DISP3: variants seen among roughly 807,000 people sequenced by gnomAD.
DISP3 encodes dispatched RND transporter family member 3.
In DISP3, 101 loss-of-function variants were observed where a neutral mutation model predicts 135.3. That is an observed-to-expected ratio of 0.75 (90% CI 0.64 to 0.88). DISP3 has a LOEUF of 0.88. Ranked by LOEUF, DISP3 falls within the 40% of genes least tolerant of loss-of-function variation. The probability of loss-of-function intolerance (pLI) is 0.00; values close to 1 mark genes in which losing one functional copy is unlikely to be tolerated. For synonymous variants in DISP3, 856 were observed against 817.0 expected, an observed-to-expected ratio of 1.05 and a Z score of -0.81; for missense variants, 1,713 against 1,878.6, an observed-to-expected ratio of 0.91 and a Z score of 1.63.
chr1:11,522,075 C>A (rs543068136), intron 10 of DISP3, among the ~76,000 whole-genome samples: 97 of 152,128 alleles, frequency 6.4e-4, no homozygotes, highest in African/African-American at 2.3e-3. Flanking sequence ...GAGTGGGAGT[C>A]GGGAATGAGC....
chr1:11,523,877 G>A lies in DISP3; in HGVS notation c.2363-65G>A. ...TCTCAGATCCCAGCCTCTTCCCTCT[G>A]CCCATCGGGCCCAGGCCAGGATGTC... On this transcript the variant is annotated intron_variant, in intron 10 of 20. Transcript: ENST00000294484. 2.2e-6 allele frequency: 3 copies of A among 1,342,804 alleles called. No individual in the cohort carries two copies. The South Asian group carries it at 3.8e-5, about 17-fold the overall frequency. The allele number at this position is 1,342,804 out of a possible 1,614,324, so 83.2% of individuals were successfully genotyped here. A position where few individuals can be genotyped will look rare whatever the true frequency, so the allele number is the denominator to read the frequency against.
chr1:11,522,761 A>G (rs373385263), intron 10 of DISP3, among the ~76,000 whole-genome samples: 1,554 of 15,328 alleles, frequency 0.1, 15 homozygotes, highest in East Asian at 0.24. Flanking sequence ...CCCAGCCAGG[A>G]CCCAGCCAGG....
At chr1:11,535,238 C>A in intron 19 of DISP3, 114 bp downstream of exon 19, 2 of 1,110,906 alleles carry the variant, frequency 1.8e-6, no homozygotes, top group East Asian at 2.6e-5. Flanking sequence ...CACATCTCAG[C>A]GGAGGCTCAT....
intron 7 of DISP3, among the ~76,000 whole-genome samples, chr1:11,518,565 C>T (rs909268329): frequency 3.9e-5 from 6 of 152,128 alleles, no homozygotes; most frequent in Non-Finnish European, 7.4e-5. Flanking sequence ...AAATAAGCCC[C>T]ACGTCTGCCC....
At position 11,523,937 on chromosome 1, in the gene DISP3, G is replaced by T. The variant is rs201911548; in HGVS notation, c.2363-5G>T. On this transcript the variant is annotated splice_region_variant and splice_polypyrimidine_tract_variant and intron_variant, in intron 10 of 20. Coordinates refer to ENST00000294484, the MANE Select transcript of DISP3 (RefSeq NM_020780.2). ...TGCTGTCCTTGACATGGCGCTGGGG[G>T]GCAGGTCTGTTCCAGGAGAAGCCCC... The T allele has an allele frequency of 2.6e-4, 421 of 1,609,830 alleles. No homozygotes were observed. The highest frequency in any genetic ancestry group is 5.0e-4 in the Admixed American group (30 of 59,972).
chr1:11,535,931 C>G (rs1460010073), intron 20 of DISP3, among the ~76,000 whole-genome samples: 1 of 152,206 alleles, frequency 6.6e-6, no homozygotes, highest in East Asian at 1.9e-4. Flanking sequence ...AGGTCCATGA[C>G]TCATTCTCCT....
intron 1 of DISP3, among the ~76,000 whole-genome samples, chr1:11,494,905 C>A (rs11121758): frequency 0.49 from 73,777 of 151,872 alleles, 19,841 homozygotes; most frequent in East Asian, 0.73. Flanking sequence ...AAGTTATAAA[C>A]AGGACCACAG....
chr1:11,520,389 G>C lies in DISP3; in HGVS notation c.2201-298G>C, dbSNP rs778975785. On this transcript the variant is annotated intron_variant, in intron 9 of 20. Coordinates refer to ENST00000294484, the MANE Select transcript of DISP3 (RefSeq NM_020780.2). This position sits in a 1 kb window ranked among gnomAD's most constrained non-coding sequence, Gnocchi z 4.8. ...TCAGAGTTGTGTGAGATCAAGTAGT[G>C]CACCAGCTCGTCATAAACTATGAGG... Among the ~76,000 whole-genome samples the C allele has an allele frequency of 3.9e-5, 6 of 152,142 alleles. No homozygotes were observed. Among genetic ancestry groups the C allele is most frequent in the Non-Finnish European group, 5.9e-5 (4 of 68,020 alleles).
At position 11,519,959 on chromosome 1, in the gene DISP3, C is replaced by T. The variant is rs1204258106; in HGVS notation, c.2200+79C>T. On this transcript the variant is annotated intron_variant, in intron 9 of 20. Transcript: ENST00000294484. This position sits in a 1 kb window ranked among gnomAD's most constrained non-coding sequence, Gnocchi z 4.3. The stretch of plus-strand genomic sequence containing the variant: ...CACAGGAACTGGGAGCCCACCCCCT[C>T]TCGCAGATGCCCCAGGGTCAGAGGC... The T allele has an allele frequency of 7.1e-7, 1 of 1,413,246 alleles. No homozygotes were observed. The highest frequency in any genetic ancestry group is 9.6e-7 in the Non-Finnish European group (1 of 1,038,302). The allele number at this position is 1,413,246 out of a possible 1,614,324, so 87.5% of individuals were successfully genotyped here. A position where few individuals can be genotyped will look rare whatever the true frequency, so the allele number is the denominator to read the frequency against.
chr1:11,536,886 C>A lies in DISP3; in HGVS notation c.*200C>A. The A allele has an allele frequency of 2.7e-6, 2 of 741,722 alleles. No homozygotes were observed. Among genetic ancestry groups the A allele is most frequent in the Non-Finnish European group, 4.2e-6 (2 of 479,808 alleles). 45.9% of individuals were successfully genotyped at this position (741,722 alleles called of 1,614,324 possible). A position where few individuals can be genotyped will look rare whatever the true frequency, so the allele number is the denominator to read the frequency against. On this transcript the variant is annotated 3_prime_UTR_variant, in exon 21 of 21. Coordinates refer to ENST00000294484, the MANE Select transcript of DISP3 (RefSeq NM_020780.2). This position sits in a 1 kb window ranked among gnomAD's most constrained non-coding sequence, Gnocchi z 4.3. ...TGGGAGTTGGAGACAGCCGCCACCC[C>A]ACAGGCCGGGCTACTGGCAGCCACA...
rs866104060 is a variant in DISP3, at chr1:11,501,428, G to A, written c.436G>A (p.Glu146Lys). The change falls in exon 2 of 21, where the codon GAG becomes AAG. Residue 146 changes from glutamate to lysine, a missense_variant. By Grantham distance (56) the Glu-to-Lys change is moderately conservative. Coordinates refer to ENST00000294484, the MANE Select transcript of DISP3 (RefSeq NM_020780.2). The surrounding 1 kb of genome is among the most constrained non-coding windows in gnomAD (Gnocchi z 4.9). The stretch of plus-strand genomic sequence containing the variant: ...GCGCGATTTGGCCGACTTCACCTCC[G>A]AGACGCTTCAGCGCCTTATCTCAGA... ...NRRDLADFTS[E>K]TLQRLISEQL... is the part of the protein sequence containing the mutation. 6.3e-7 allele frequency: 1 copy of A among 1,594,900 alleles called. No individual in the cohort carries two copies. Among genetic ancestry groups the A allele is most frequent in the South Asian group, 1.1e-5 (1 of 88,542 alleles).
intron 1 of DISP3, among the ~76,000 whole-genome samples, chr1:11,494,394 C>T (rs1227363774): frequency 6.6e-6 from 1 of 152,170 alleles, no homozygotes; most frequent in Non-Finnish European, 1.5e-5. Flanking sequence ...TTGCCCGTTT[C>T]ACCACCACAT....
At chr1:11,502,171 G>A (rs1570090782) in intron 2 of DISP3, 83 bp downstream of exon 2, 1 of 1,473,876 alleles carries the variant, frequency 6.8e-7, no homozygotes, top group East Asian at 2.3e-5. Flanking sequence ...GCCAGGCCCA[G>A]GCCCAGGCCC....
chr1:11,488,772 C>A (rs1641106820), intron 1 of DISP3, among the ~76,000 whole-genome samples: 1 of 152,118 alleles, frequency 6.6e-6, no homozygotes, highest in Non-Finnish European at 1.5e-5. Flanking sequence ...CAAATAAAAT[C>A]TACCACAGTG....
In DISP3 at chr1:11,502,862, C is replaced by T; in HGVS notation, c.1281C>T (p.Val427=). 4 of 1,614,062 alleles carry T rather than the reference C, an allele frequency of 2.5e-6. No individual in the cohort carries two copies. Among genetic ancestry groups the T allele is most frequent in the East Asian group, 2.2e-5 (1 of 44,884 alleles). The change falls in exon 3 of 21, where the codon GTC becomes GTT. Residue 427 remains valine (V), a synonymous_variant. Transcript: ENST00000294484. ...GGGCTAAGTTTCAGAGCTTCGTGGTCACCTACGTGGCCATGCTGGCCAAGC... is the reference window on the plus strand; with the variant it reads ...GGGCTAAGTTTCAGAGCTTCGTGGTTACCTACGTGGCCATGCTGGCCAAGC... The part of the protein sequence containing the change: ...EQRAKFQSFV[V]TYVAMLAKQS...
At chr1:11,533,666 TC>T (rs1454799728) in intron 17 of DISP3, 183 of 658,064 alleles carry the variant, frequency 2.8e-4, no homozygotes, top group Non-Finnish European at 2.8e-4. Flanking sequence ...AGGAGAGAAG[TC>T]CCCACTCAGG....
chr1:11,486,537 A>T (rs1641040141), intron 1 of DISP3, among the ~76,000 whole-genome samples: 1 of 152,216 alleles, frequency 6.6e-6, no homozygotes, highest in Admixed American at 6.5e-5. Context: ...TCCCAGAGTA[A>T]CAGAGCCAGG....
chr1:11,530,729 G>A (rs550528648), intron 15 of DISP3, among the ~76,000 whole-genome samples, 178 bp from the exon 16 acceptor site: 18 of 152,222 alleles, frequency 1.2e-4, no homozygotes, highest in Non-Finnish European at 1.9e-4. Context: ...TGTTGCTGGC[G>A]GGGGCAGGGC....
In DISP3 at chr1:11,483,671, A is replaced by G. The variant is rs1400933686; in HGVS notation, c.-4+4299A>G. On this transcript the variant is annotated intron_variant, in intron 1 of 20. Transcript: ENST00000294484. The surrounding 1 kb of genome is among the most constrained non-coding windows in gnomAD (Gnocchi z 5.4). ...TGTAAATTCCTCTGCCAGACAGGCC[A>G]GAAGTGAAGGGCGGTACCCTCACCT... is the stretch of plus-strand genomic sequence containing the variant. Among the ~76,000 whole-genome samples, 1 of 152,258 alleles carries G rather than the reference A, an allele frequency of 6.6e-6. No individual in the cohort carries two copies. The highest frequency in any genetic ancestry group is 6.5e-5 in the Admixed American group (1 of 15,286).
Sources: gnomAD v4.1 joint callset for allele counts (sites outside exome capture counted in the v4.1 genomes callset) on GRCh38, gnomAD v4.1.1 for gene constraint, Gnocchi (gnomAD v3.1) non-coding constraint, MANE v1.5 for transcripts, NCBI Gene and HGNC (gene_info 2026-07-23, HGNC 2026-07-21) for gene names.